Variants in PALS2 observed in about 807,000 individuals in gnomAD.
The protein encoded by PALS2 is protein PALS2.
Under a neutral mutation model 61.6 loss-of-function variants are expected in PALS2, and 27 were observed. That is an observed-to-expected ratio of 0.44 (90% CI 0.32 to 0.60). PALS2 has a LOEUF of 0.60. Ranked by LOEUF, PALS2 falls within the 20% of genes least tolerant of loss-of-function variation. The probability of loss-of-function intolerance (pLI) is 0.05; values close to 1 mark genes in which losing one functional copy is unlikely to be tolerated. For synonymous variants in PALS2, 236 were observed against 218.6 expected (o/e 1.08, Z -0.70); for missense variants, 554 against 639.4 (o/e 0.87, Z 1.44).
chr7:24,581,261 G>C (rs1782833028), intron 1 of PALS2, among the ~76,000 whole-genome samples: 1 of 145,868 alleles, frequency 6.9e-6, no homozygotes, highest in Non-Finnish European at 1.5e-5. Context: ...GTGTGTGTGT[G>C]TGTGTGTGTG....
At chr7:24,663,839 A>C (rs186701055) in intron 6 of PALS2, 118 bp downstream of exon 6, 77 of 1,259,144 alleles carry the variant, frequency 6.1e-5, no homozygotes, top group Non-Finnish European at 8.1e-5. Flanking sequence ...TTCCCACATG[A>C]ACAGCTCCTG....
chr7:24,595,770 G>A (rs1232301798), intron 1 of PALS2, among the ~76,000 whole-genome samples: 4 of 150,930 alleles, frequency 2.7e-5, no homozygotes, highest in Admixed American at 6.7e-5. Context: ...GGGTGGTAGC[G>A]TAGTTTAGAT....
At chr7:24,635,787 T>C (rs75849524) in intron 2 of PALS2, among the ~76,000 whole-genome samples, 3,270 of 152,326 alleles carry the variant, frequency 0.021, 128 homozygotes, top group African/African-American at 0.075. Flanking sequence ...TTTATGGATA[T>C]GTCAGGTTTT....
At chr7:24,631,911 A>G (rs1049023643) in intron 2 of PALS2, among the ~76,000 whole-genome samples, 1 of 152,334 alleles carries the variant, frequency 6.6e-6, no homozygotes, top group African/African-American at 2.4e-5. Context: ...TTGTCATGTA[A>G]ACATAACTTT....
chr7:24,653,704 C>G (rs1407371925), intron 5 of PALS2, among the ~76,000 whole-genome samples: 1 of 152,100 alleles, frequency 6.6e-6, no homozygotes, highest in Non-Finnish European at 1.5e-5. Context: ...TTCAGTTTTC[C>G]TGAAAGAAAG....
chr7:24,678,013 G>C (rs1178781921), intron 9 of PALS2, among the ~76,000 whole-genome samples: 2 of 152,148 alleles, frequency 1.3e-5, no homozygotes, highest in Non-Finnish European at 2.9e-5. Flanking sequence ...TCTTAGTTTA[G>C]TTTGGTGTAG....
rs139956280 is a variant in PALS2 at position 24,627,126 on chromosome 7, C to A, written c.117+3342C>A. Among the ~76,000 whole-genome samples, 12 of 152,262 alleles carry A rather than the reference C, an allele frequency of 7.9e-5. No individual in the cohort carries two copies. The East Asian group carries it at 2.1e-3, about 27-fold the overall frequency. ...ATGGACCACATAATTGGAAGTCAGT[C>A]CTCAGCAAATGCAAAAGAACGGAAA... is the stretch of plus-strand genomic sequence containing the variant. On this transcript the variant is annotated intron_variant, in intron 2 of 11. Coordinates refer to ENST00000222644, the MANE Select transcript of PALS2 (RefSeq NM_001303037.2).
intron 1 of PALS2, among the ~76,000 whole-genome samples, chr7:24,582,064 G>A (rs1782866595): frequency 6.6e-6 from 1 of 152,198 alleles, no homozygotes; most frequent in South Asian, 2.1e-4. Flanking sequence ...TTAAAAGTTT[G>A]TGAAGCAGTC....
chr7:24,667,294 G>GT (rs1365650183), intron 8 of PALS2, among the ~76,000 whole-genome samples: 1 of 152,058 alleles, frequency 6.6e-6, no homozygotes, highest in Non-Finnish European at 1.5e-5. Context: ...TATGTTTCTA[G>GT]TGAAACAGTT....
intron 1 of PALS2, among the ~76,000 whole-genome samples, chr7:24,587,970 GC>G (rs1783137374): frequency 6.6e-6 from 1 of 152,086 alleles, no homozygotes; most frequent in African/African-American, 2.4e-5. Flanking sequence ...GTGCAGTTTT[GC>G]CCCCTAAGGG....
At chr7:24,582,560 TAATA>T (rs1306924273) in intron 1 of PALS2, among the ~76,000 whole-genome samples, 1 of 152,146 alleles carries the variant, frequency 6.6e-6, no homozygotes, top group Non-Finnish European at 1.5e-5. Flanking sequence ...TCATTAACTG[TAATA>T]AATATTATTT....
chr7:24,585,595 C>T (rs1783033358), intron 1 of PALS2, among the ~76,000 whole-genome samples: 1 of 150,490 alleles, frequency 6.6e-6, no homozygotes, highest in Non-Finnish European at 1.5e-5. Context: ...CATGCCAGTA[C>T]TCATCAGAAT....
chr7:24,685,303 C>A (rs916460880), intron 11 of PALS2, among the ~76,000 whole-genome samples: 1 of 152,168 alleles, frequency 6.6e-6, no homozygotes, highest in South Asian at 2.1e-4. Flanking sequence ...TTAAGAATGG[C>A]TGTAATTTGA....
intron 3 of PALS2, among the ~76,000 whole-genome samples, chr7:24,645,367 A>G (rs1785778738): frequency 6.6e-6 from 1 of 152,090 alleles, no homozygotes; most frequent in East Asian, 1.9e-4. Context: ...CATTTATTGA[A>G]TAGGGAGTCT....
rs75203953 is a variant in PALS2, at chr7:24,631,059, A to T, written c.117+7275A>T. 7.2e-4 allele frequency among the ~76,000 whole-genome samples: 109 copies of T among 152,350 alleles called. 2 individuals carry two copies. In the East Asian group the frequency reaches 0.019, roughly 27 times the overall value. Reference sequence around the variant, plus strand: ...TTCAAGTCTTAGTTAAATACATTTCATAGGACTACAGCTGCCATAGATTTC... The same window carrying T: ...TTCAAGTCTTAGTTAAATACATTTCTTAGGACTACAGCTGCCATAGATTTC... On this transcript the variant is annotated intron_variant, in intron 2 of 11. Transcript: ENST00000222644.
At chr7:24,631,835 A>G (rs1021396663) in intron 2 of PALS2, among the ~76,000 whole-genome samples, 2 of 152,232 alleles carry the variant, frequency 1.3e-5, no homozygotes, top group African/African-American at 2.4e-5. Flanking sequence ...CCTTTAAAGT[A>G]TTTTTAAATT....
Position 24,608,405 on chromosome 7 carries a change from C to A in PALS2, c.-2-15261C>A, listed in dbSNP as rs147998123. Reference sequence around the variant, plus strand: ...AACTCAAATACATTTTCTTCTATTACTTCTTCAACTATTTCCTCTCACACT... The same window carrying A: ...AACTCAAATACATTTTCTTCTATTAATTCTTCAACTATTTCCTCTCACACT... On this transcript the variant is annotated intron_variant, in intron 1 of 11. Transcript: ENST00000222644. Among the ~76,000 whole-genome samples, 374 of 152,222 alleles carry A rather than the reference C, an allele frequency of 2.5e-3. 2 individuals are homozygous for A. Among genetic ancestry groups the A allele is most frequent in the African/African-American group, 8.6e-3 (358 of 41,540 alleles).
intron 3 of PALS2, 111 bp downstream of exon 3, chr7:24,641,979 GGTAAGTAT>G (rs1785581605): frequency 8.5e-7 from 1 of 1,179,044 alleles, no homozygotes; most frequent in Non-Finnish European, 1.2e-6. Context: ...GGCTATAATA[GGTAAGTAT>G]GTAAATTCCA....
At chr7:24,641,593 T>G in intron 2 of PALS2, 123 bp from the exon 3 acceptor site, 1 of 775,460 alleles carries the variant, frequency 1.3e-6, no homozygotes, top group Non-Finnish European at 2.0e-6. Context: ...AGTATTAAAT[T>G]TGGTTTACAT....
Sources: gnomAD v4.1 joint callset for allele counts (sites outside exome capture counted in the v4.1 genomes callset) on GRCh38, gnomAD v4.1.1 for gene constraint, MANE v1.5 for transcripts, NCBI Gene and HGNC (gene_info 2026-07-23, HGNC 2026-07-21) for gene names.